The following RPAP2 variants were observed in gnomAD, a reference collection of about 807,000 sequenced individuals.
The protein encoded by RPAP2 is RNA polymerase II associated protein 2.
RPAP2 carries 52 observed loss-of-function variants against 73.1 expected under a neutral mutation model. That is an observed-to-expected ratio of 0.71 (90% CI 0.57 to 0.90). RPAP2 has a LOEUF of 0.90. Ranked by LOEUF, RPAP2 falls within the 40% of genes least tolerant of loss-of-function variation. The probability of loss-of-function intolerance (pLI) is 0.00; values close to 1 mark genes in which losing one functional copy is unlikely to be tolerated. For missense variants in RPAP2, 598 were observed against 701.8 expected (o/e 0.85, Z 1.67); for synonymous variants, 225 against 242.1 (o/e 0.93, Z 0.65).
intron 11 of RPAP2, among the ~76,000 whole-genome samples, chr1:92,370,763 T>A (rs1233363457): frequency 6.6e-6 from 1 of 152,106 alleles, no homozygotes; most frequent in Non-Finnish European, 1.5e-5. Context: ...AGAAGGAGAC[T>A]GAAAGGGAGT....
At chr1:92,324,539 C>T (rs879228622) in intron 8 of RPAP2, among the ~76,000 whole-genome samples, 164 bp downstream of exon 8, 2 of 152,194 alleles carry the variant, frequency 1.3e-5, no homozygotes, top group South Asian at 4.1e-4. Flanking sequence ...CCACTGTTGG[C>T]ATTACTATTT....
rs776315241 is a variant in RPAP2, at chr1:92,393,252, T to C, written c.*6241T>C. The C allele has an allele frequency of 2.0e-5, 3 of 152,128 alleles. 1 individual carries two copies. The highest frequency in any genetic ancestry group is 1.3e-4 in the Admixed American group (2 of 15,278). 9.4% of individuals were successfully genotyped at this position (152,128 alleles called of 1,614,324 possible). A position where few individuals can be genotyped will look rare whatever the true frequency, so the allele number is the denominator to read the frequency against. ...GGGAAAAGATTCCCTATTTAATAAATGGTGTTGGGAAAACGGGCTAGCCAT... is the reference window on the plus strand; with the variant it reads ...GGGAAAAGATTCCCTATTTAATAAACGGTGTTGGGAAAACGGGCTAGCCAT... On this transcript the variant is annotated 3_prime_UTR_variant, in exon 13 of 13. Coordinates refer to ENST00000610020, the MANE Select transcript of RPAP2 (RefSeq NM_024813.3).
At chr1:92,363,221 C>T (rs1654802268) in intron 11 of RPAP2, among the ~76,000 whole-genome samples, 1 of 152,084 alleles carries the variant, frequency 6.6e-6, no homozygotes, top group Admixed American at 6.6e-5. Flanking sequence ...AGAGATTGAA[C>T]AGTAACCATT....
chr1:92,383,497 T>G (rs1279864595), intron 12 of RPAP2, among the ~76,000 whole-genome samples: 1 of 152,182 alleles, frequency 6.6e-6, no homozygotes, highest in East Asian at 1.9e-4. Flanking sequence ...CCCTTGTAAG[T>G]TGGATTCCTA....
chr1:92,315,050 A>C (rs963608581), intron 6 of RPAP2, among the ~76,000 whole-genome samples: 1 of 152,208 alleles, frequency 6.6e-6, no homozygotes, highest in Non-Finnish European at 1.5e-5. Flanking sequence ...TCTCAAAATC[A>C]TAAATAAATA....
chr1:92,326,736 G>A (rs1331945275), intron 8 of RPAP2, among the ~76,000 whole-genome samples: 1 of 152,184 alleles, frequency 6.6e-6, no homozygotes, highest in Non-Finnish European at 1.5e-5. Flanking sequence ...GGGAAGTGGG[G>A]GAAAGCTGGT....
chr1:92,329,695 A>G (rs1243436451), intron 8 of RPAP2, among the ~76,000 whole-genome samples: 1 of 152,128 alleles, frequency 6.6e-6, no homozygotes, highest in African/African-American at 2.4e-5. Context: ...CCCAGACCTA[A>G]CATTTATTTT....
At chr1:92,308,642 T>TG (rs1210036896) in intron 6 of RPAP2, among the ~76,000 whole-genome samples, 1 of 152,204 alleles carries the variant, frequency 6.6e-6, no homozygotes, top group East Asian at 1.9e-4. Flanking sequence ...GCATAGGTAT[T>TG]GGTCCTTCCT....
chr1:92,370,854 CCCCA>C (rs1465033402), intron 11 of RPAP2, among the ~76,000 whole-genome samples: 1 of 152,002 alleles, frequency 6.6e-6, no homozygotes, highest in Non-Finnish European at 1.5e-5. Flanking sequence ...TAAAAATATA[CCCCA>C]TGCAAGAATA....
Position 92,378,035 on chromosome 1 carries a change from T to C in RPAP2, c.1689-2689T>C, listed in dbSNP as rs7527641. On this transcript the variant is annotated intron_variant, in intron 11 of 12. Coordinates refer to ENST00000610020, the MANE Select transcript of RPAP2 (RefSeq NM_024813.3). Reference sequence around the variant, plus strand: ...TAGTAGTCACCATTTATTTATAATTTTAGGTTTAAGTTTGGACATTTGGGT... The same window carrying C: ...TAGTAGTCACCATTTATTTATAATTCTAGGTTTAAGTTTGGACATTTGGGT... Among the ~76,000 whole-genome samples, 408 of 152,290 alleles carry C rather than the reference T, an allele frequency of 2.7e-3. 1 individual carries two copies. Among genetic ancestry groups the C allele is most frequent in the African/African-American group, 9.5e-3 (394 of 41,564 alleles).
chr1:92,317,828 T>C (rs1652013895), intron 6 of RPAP2, among the ~76,000 whole-genome samples: 1 of 152,222 alleles, frequency 6.6e-6, no homozygotes, highest in South Asian at 2.1e-4. Context: ...GCAGGAGATG[T>C]TGCATAAAGC....
At chr1:92,323,370 C>A in intron 7 of RPAP2, 75 bp from the exon 8 acceptor site, 1 of 1,081,520 alleles carries the variant, frequency 9.2e-7, no homozygotes, top group Non-Finnish European at 1.3e-6. Context: ...CTATGGGGTA[C>A]TTTACTTTTC....
rs1652470734 is a variant in RPAP2 at position 92,323,967 on chromosome 1, G to A, written c.1047G>A (p.Arg349=). ...RKFAKSNQVS[R]SVSSSVQVCP... ...TTGCCAAATCAAACCAAGTGTCTAG[G>A]TCAGTGTCTAGTTCAGTGCAGGTGT... Residue 349 remains arginine, a synonymous_variant, in exon 8 of 13, where the codon AGG becomes AGA. Transcript: ENST00000610020. The A allele has an allele frequency of 6.2e-7, 1 of 1,614,054 alleles. No individual in the cohort carries two copies. The highest frequency in any genetic ancestry group is 1.3e-5 in the African/African-American group (1 of 74,932).
intron 8 of RPAP2, among the ~76,000 whole-genome samples, chr1:92,329,079 T>A (rs1259979803): frequency 6.6e-6 from 1 of 152,010 alleles, no homozygotes; most frequent in Non-Finnish European, 1.5e-5. Flanking sequence ...CTTAATTGTA[T>A]TTTTTTTAAG....
chr1:92,307,798 G>T (rs1292475466), intron 6 of RPAP2, among the ~76,000 whole-genome samples: 1 of 151,592 alleles, frequency 6.6e-6, no homozygotes, highest in Non-Finnish European at 1.5e-5. Flanking sequence ...TTAAATACTG[G>T]CAATGTTTTA....
intron 10 of RPAP2, among the ~76,000 whole-genome samples, chr1:92,341,999 A>T (rs1460252000): frequency 2.0e-5 from 3 of 152,158 alleles, no homozygotes; most frequent in African/African-American, 7.2e-5. Context: ...TCCTTATTTG[A>T]GCTAGCTCCT....
At chr1:92,386,068 C>A (rs1655853395) in intron 12 of RPAP2, among the ~76,000 whole-genome samples, 1 of 152,224 alleles carries the variant, frequency 6.6e-6, no homozygotes, top group South Asian at 2.1e-4. Context: ...GTGCACCTCA[C>A]AACATGGCAT....
intron 10 of RPAP2, among the ~76,000 whole-genome samples, chr1:92,337,149 C>T (rs1156622504): frequency 1.3e-5 from 2 of 152,016 alleles, no homozygotes; most frequent in Non-Finnish European, 2.9e-5. Context: ...TGCACTGACA[C>T]AGAATAAACT....
intron 8 of RPAP2, among the ~76,000 whole-genome samples, chr1:92,327,513 T>C (rs999684870): frequency 6.6e-6 from 1 of 152,208 alleles, no homozygotes; most frequent in African/African-American, 2.4e-5. Context: ...ATGGAATATG[T>C]TTTTCCACCC....
Sources: gnomAD v4.1 joint callset for allele counts (sites outside exome capture counted in the v4.1 genomes callset) on GRCh38, gnomAD v4.1.1 for gene constraint, MANE v1.5 for transcripts, NCBI Gene and HGNC (gene_info 2026-07-23, HGNC 2026-07-21) for gene names.